Variants in ADSS2 observed in about 807,000 individuals in gnomAD.
ADSS2 encodes the protein adenylosuccinate synthase 2.
In ADSS2, 30 loss-of-function variants were observed where a neutral mutation model predicts 60.0. The ratio of observed to expected loss-of-function variants is 0.50; its 90% CI spans 0.37 to 0.68. The LOEUF is 0.68. ADSS2 is among the 30% of genes least tolerant of loss of function. The pLI, the probability that ADSS2 is intolerant of heterozygous loss-of-function variation, is 0.00. For synonymous variants in ADSS2, 187 were observed against 193.1 expected (o/e 0.97, Z 0.26); for missense variants, 373 against 554.8 (o/e 0.67, Z 3.29).
chr1:244,441,009 T>A (rs948980832), intron 1 of ADSS2, among the ~76,000 whole-genome samples: 1 of 152,086 alleles, frequency 6.6e-6, no homozygotes, highest in African/African-American at 2.4e-5. Context: ...TCTGATAGAA[T>A]CCTAGGACAT....
chr1:244,433,259 A>G (rs1284882365), intron 3 of ADSS2, among the ~76,000 whole-genome samples: 3 of 152,132 alleles, frequency 2.0e-5, no homozygotes, highest in Non-Finnish European at 4.4e-5. Flanking sequence ...CACAATCTCT[A>G]AAAGTGTTTT....
At chr1:244,426,735 T>C (rs907883481) in intron 4 of ADSS2, among the ~76,000 whole-genome samples, 3 of 152,136 alleles carry the variant, frequency 2.0e-5, no homozygotes, top group African/African-American at 4.8e-5. Context: ...CAACTGTCAC[T>C]TTTCAGTGAA....
chr1:244,431,925 C>T (rs1186730667), intron 4 of ADSS2, among the ~76,000 whole-genome samples: 1 of 152,188 alleles, frequency 6.6e-6, no homozygotes, highest in Non-Finnish European at 1.5e-5. Context: ...GCAGCTACTG[C>T]CACAGGACAC....
chr1:244,435,426 TTA>T (rs1665071920), intron 3 of ADSS2, among the ~76,000 whole-genome samples: 1 of 152,142 alleles, frequency 6.6e-6, no homozygotes, highest in Admixed American at 6.5e-5. Flanking sequence ...TGAAATTCAT[TTA>T]TGTTTCATAT....
intron 3 of ADSS2, among the ~76,000 whole-genome samples, chr1:244,434,381 C>G: frequency 6.7e-6 from 1 of 149,544 alleles, no homozygotes; most frequent in Non-Finnish European, 1.5e-5. Context: ...CTTGAATGAA[C>G]AAATGAACCC....
intron 10 of ADSS2, 107 bp downstream of exon 10, chr1:244,417,521 G>A (rs1368511849): frequency 2.2e-6 from 3 of 1,333,828 alleles, no homozygotes; most frequent in African/African-American, 1.5e-5. Context: ...ATTTCAATAT[G>A]GAGTCTAAAG....
At chr1:244,413,810 G>A (rs1158018130) in intron 11 of ADSS2, among the ~76,000 whole-genome samples, 2 of 152,080 alleles carry the variant, frequency 1.3e-5, no homozygotes, top group Non-Finnish European at 2.9e-5. Context: ...GGGTACACTG[G>A]TGCTCCAGCA....
At chr1:244,429,989 AT>A (rs11355797) in intron 4 of ADSS2, among the ~76,000 whole-genome samples, 125,857 of 151,960 alleles carry the variant, frequency 0.83, 52,379 homozygotes, top group Middle Eastern at 0.9. Flanking sequence ...GTTTTAAAGC[AT>A]TAACACACCC....
rs116037608 is a variant in ADSS2, at chr1:244,442,222, T to C, written c.184-4454A>G. On this transcript the variant is annotated intron_variant, in intron 1 of 12. Transcript: ENST00000366535. ...ATAGTAATGATGGAATTAACCATAATAAAGAGATGATGGTTGCTCTACACA... is the reference window on the plus strand; with the variant it reads ...ATAGTAATGATGGAATTAACCATAACAAAGAGATGATGGTTGCTCTACACA... 3.0e-4 allele frequency among the ~76,000 whole-genome samples: 44 copies of C among 148,346 alleles called. 1 individual carries two copies. The South Asian group carries it at 4.1e-3, about 14-fold the overall frequency.
At chr1:244,432,215 T>C (rs980368615) in intron 4 of ADSS2, among the ~76,000 whole-genome samples, 9 of 152,236 alleles carry the variant, frequency 5.9e-5, no homozygotes, top group African/African-American at 2.2e-4. Flanking sequence ...AACGGTACAC[T>C]TACTTTTACA....
intron 1 of ADSS2, among the ~76,000 whole-genome samples, chr1:244,450,013 CTTCTT>C (rs1665493031): frequency 2.0e-5 from 3 of 152,164 alleles, no homozygotes; most frequent in Non-Finnish European, 4.4e-5. Flanking sequence ...TTCTCCAAAC[CTTCTT>C]ACAACCCATA....
rs1034840049 is a variant in ADSS2 at position 244,415,380 on chromosome 1, G to C, written c.1168+601C>G. 4.6e-5 allele frequency among the ~76,000 whole-genome samples: 7 copies of C among 152,282 alleles called. No individual in the cohort carries two copies. The Middle Eastern group carries it at 0.01, about 222-fold the overall frequency. On this transcript the variant is annotated intron_variant, in intron 11 of 12. Coordinates refer to ENST00000366535, the MANE Select transcript of ADSS2 (RefSeq NM_001126.5). Reference sequence around the variant, plus strand: ...CTTACATACATGTAAGACAAGGAAAGATAATATGCATTTAATTTCTAAGAA... The same window carrying C: ...CTTACATACATGTAAGACAAGGAAACATAATATGCATTTAATTTCTAAGAA...
At chr1:244,418,734 TG>T in intron 9 of ADSS2, 25 bp downstream of exon 9, 1 of 1,556,096 alleles carries the variant, frequency 6.4e-7, no homozygotes. Context: ...TAATACATTT[TG>T]ATTATTTACT....
At chr1:244,422,791 A>G (rs779529210) in intron 7 of ADSS2, 44 bp downstream of exon 7, 2 of 1,457,318 alleles carry the variant, frequency 1.4e-6, no homozygotes, top group South Asian at 1.2e-5. Flanking sequence ...CCAATTTGGC[A>G]AACAAGTATT....
intron 1 of ADSS2, among the ~76,000 whole-genome samples, chr1:244,439,036 C>A (rs770989240): frequency 3.0e-4 from 46 of 152,244 alleles, no homozygotes; most frequent in Non-Finnish European, 5.4e-4. Flanking sequence ...CCCCATACCC[C>A]ACTCTTACCA....
At chr1:244,422,795 A>G in intron 7 of ADSS2, 40 bp downstream of exon 7, 5 of 1,469,042 alleles carry the variant, frequency 3.4e-6, no homozygotes, top group Non-Finnish European at 4.7e-6. Context: ...TTTGGCAAAC[A>G]AGTATTAAAA....
In ADSS2 at chr1:244,424,310, C is replaced by G; in HGVS notation, c.473+11G>C. 1 of 1,612,204 alleles carries G rather than the reference C, an allele frequency of 6.2e-7. No homozygotes were observed. The highest frequency in any genetic ancestry group is 8.5e-7 in the Non-Finnish European group (1 of 1,178,874). On this transcript the variant is annotated intron_variant, in intron 5 of 12. Transcript: ENST00000366535. ...TTAAACTGTACCAAAAAAACAAAAA[C>G]CCACACATACTTTTTTCCTGCTTGT...
At chr1:244,429,605 T>C (rs146853108) in intron 4 of ADSS2, among the ~76,000 whole-genome samples, 1 of 152,314 alleles carries the variant, frequency 6.6e-6, no homozygotes, top group Non-Finnish European at 1.5e-5. Flanking sequence ...AAAATACATG[T>C]TTCTGGCCGG....
At chr1:244,423,469 C>G (rs1664720776) in intron 6 of ADSS2, among the ~76,000 whole-genome samples, 1 of 152,126 alleles carries the variant, frequency 6.6e-6, no homozygotes, top group Non-Finnish European at 1.5e-5. Context: ...CTAGGTTTCC[C>G]AAGGAGATCT....
Sources: gnomAD v4.1 joint callset for allele counts (sites outside exome capture counted in the v4.1 genomes callset) on GRCh38, gnomAD v4.1.1 for gene constraint, MANE v1.5 for transcripts, NCBI Gene and HGNC (gene_info 2026-07-23, HGNC 2026-07-21) for gene names.